ETV6: variants seen among roughly 807,000 people sequenced by gnomAD.
The protein encoded by ETV6 is transcription factor ETV6.
In ETV6, 16 loss-of-function variants were observed where a neutral mutation model predicts 51.1. The observed-to-expected ratio is 0.31, with a 90% CI of 0.21 to 0.48. ETV6 has a LOEUF of 0.48. Among genes scored for constraint, ETV6 ranks in the 20% least tolerant of loss-of-function variants. ETV6 has a pLI of 0.99. For missense variants in ETV6, 458 were observed against 594.8 expected, an observed-to-expected ratio of 0.77 and a Z score of 2.39; for synonymous variants, 240 against 224.1, an observed-to-expected ratio of 1.07 and a Z score of -0.64.
intron 1 of ETV6, among the ~76,000 whole-genome samples, chr12:11,698,543 G>A (rs1864920912): frequency 1.3e-5 from 2 of 152,176 alleles, no homozygotes; most frequent in Admixed American, 6.5e-5. Flanking sequence ...GCTTCCCTCT[G>A]TTCCATACTA....
At chr12:11,687,982 A>C (rs1324162310) in intron 1 of ETV6, among the ~76,000 whole-genome samples, 1 of 152,204 alleles carries the variant, frequency 6.6e-6, no homozygotes, top group Admixed American at 6.5e-5. Context: ...TTTATTCTTT[A>C]TGTCAGCCAT....
chr12:11,662,482 G>A (rs899409714), intron 1 of ETV6, among the ~76,000 whole-genome samples: 2 of 152,214 alleles, frequency 1.3e-5, no homozygotes, highest in African/African-American at 4.8e-5. Flanking sequence ...ATGCCTGTGT[G>A]TGCGTTCGTT....
chr12:11,694,452 G>T (rs1315958513), intron 1 of ETV6, among the ~76,000 whole-genome samples: 2 of 152,090 alleles, frequency 1.3e-5, no homozygotes, highest in Admixed American at 1.3e-4. Context: ...CAGTCCAATG[G>T]CCATGTTTAA....
intron 1 of ETV6, among the ~76,000 whole-genome samples, chr12:11,731,181 A>C (rs1342258163): frequency 6.6e-6 from 1 of 152,222 alleles, no homozygotes; most frequent in Admixed American, 6.5e-5. Flanking sequence ...CTAGAAAGGC[A>C]GGTTTTGATC....
intron 2 of ETV6, among the ~76,000 whole-genome samples, chr12:11,832,033 A>G (rs1453885146): frequency 6.6e-6 from 1 of 152,224 alleles, no homozygotes; most frequent in African/African-American, 2.4e-5. Context: ...AGATGTATAT[A>G]ATGGATGAAA....
chr12:11,846,699 T>C (rs1022824798), intron 3 of ETV6, among the ~76,000 whole-genome samples: 5 of 152,104 alleles, frequency 3.3e-5, no homozygotes, highest in African/African-American at 7.2e-5. Flanking sequence ...CTAAACAAAC[T>C]TGGGGAGAGT....
chr12:11,867,517 A>C (rs11054477), intron 4 of ETV6, among the ~76,000 whole-genome samples: 11,875 of 152,212 alleles, frequency 0.078, 536 homozygotes, highest in African/African-American at 0.11. Context: ...TGATCTTTTA[A>C]TATTGTGAAC....
chr12:11,651,010 GT>G (rs1863896430), intron 1 of ETV6, among the ~76,000 whole-genome samples: 1 of 152,198 alleles, frequency 6.6e-6, no homozygotes, highest in Non-Finnish European at 1.5e-5. Context: ...CTATATATCT[GT>G]AAAGACTGTG....
At position 11,884,385 on chromosome 12, in the gene ETV6, T is replaced by G. The variant is rs1022350552; in HGVS notation, c.1010-60T>G. 23 of 1,582,698 alleles carry G rather than the reference T, an allele frequency of 1.5e-5. No individual in the cohort carries two copies. The East Asian group carries it at 4.7e-4, about 32-fold the overall frequency. On this transcript the variant is annotated intron_variant, in intron 5 of 7. Coordinates refer to ENST00000396373, the MANE Select transcript of ETV6 (RefSeq NM_001987.5). ...TTGCTGGATTCTTTTTTGATTCTTC[T>G]GGTTAGTGCCTCAACAAGAAACATT...
intron 2 of ETV6, among the ~76,000 whole-genome samples, chr12:11,802,774 A>G (rs1945768498): frequency 6.6e-6 from 1 of 152,202 alleles, no homozygotes; most frequent in Non-Finnish European, 1.5e-5. Context: ...CCTTGGATTG[A>G]ACTGAGCTTT....
At chr12:11,809,296 A>G (rs905628401) in intron 2 of ETV6, among the ~76,000 whole-genome samples, 1 of 152,142 alleles carries the variant, frequency 6.6e-6, no homozygotes, top group African/African-American at 2.4e-5. Context: ...TGCAAAATGA[A>G]TATAGGAAAA....
At chr12:11,870,418 A>G (rs1158404703) in intron 5 of ETV6, among the ~76,000 whole-genome samples, 4 of 152,124 alleles carry the variant, frequency 2.6e-5, no homozygotes, top group Non-Finnish European at 5.9e-5. Context: ...AGGAGCGGGT[A>G]GGAGAGGAAA....
intron 1 of ETV6, among the ~76,000 whole-genome samples, chr12:11,740,599 C>T (rs1034788975): frequency 1.3e-5 from 2 of 151,942 alleles, no homozygotes; most frequent in Non-Finnish European, 2.9e-5. Flanking sequence ...TGCATTTTGT[C>T]TAAAGGAAGG....
intron 3 of ETV6, among the ~76,000 whole-genome samples, chr12:11,848,314 CAA>C (rs1946494596): frequency 1.3e-5 from 2 of 152,132 alleles, no homozygotes; most frequent in Non-Finnish European, 2.9e-5. Context: ...ATACAGCTGA[CAA>C]AGAGAGGAAC....
At chr12:11,785,253 C>T (rs949451972) in intron 2 of ETV6, among the ~76,000 whole-genome samples, 14 of 152,130 alleles carry the variant, frequency 9.2e-5, no homozygotes, top group African/African-American at 3.4e-4. Flanking sequence ...GCTGACCTCG[C>T]TCGCTGGGAT....
chr12:11,747,979 T>C (rs994211965), intron 1 of ETV6, among the ~76,000 whole-genome samples: 4 of 152,230 alleles, frequency 2.6e-5, no homozygotes, highest in East Asian at 3.8e-4. Context: ...TCTGTAGAAG[T>C]TGACGACGGT....
intron 2 of ETV6, among the ~76,000 whole-genome samples, chr12:11,755,414 C>A (rs1391431726): frequency 6.6e-6 from 1 of 152,152 alleles, no homozygotes; most frequent in Non-Finnish European, 1.5e-5. Flanking sequence ...CTGCATGAGA[C>A]CTATTGTGAC....
At chr12:11,871,377 A>G (rs1946879358) in intron 5 of ETV6, among the ~76,000 whole-genome samples, 1 of 151,914 alleles carries the variant, frequency 6.6e-6, no homozygotes, top group Non-Finnish European at 1.5e-5. Flanking sequence ...TTTTTAGTAG[A>G]GACGGGGTTT....
chr12:11,799,756 CGTGT>C (rs923516231), intron 2 of ETV6, among the ~76,000 whole-genome samples: 1 of 151,968 alleles, frequency 6.6e-6, no homozygotes, highest in Non-Finnish European at 1.5e-5. Context: ...GATGTGTGTG[CGTGT>C]GTGTGTTTTA....
Sources: gnomAD v4.1 joint callset for allele counts (sites outside exome capture counted in the v4.1 genomes callset) on GRCh38, gnomAD v4.1.1 for gene constraint, MANE v1.5 for transcripts, NCBI Gene and HGNC (gene_info 2026-07-23, HGNC 2026-07-21) for gene names.